TARBP1: variants seen among roughly 807,000 people sequenced by gnomAD.
TARBP1 encodes tRNA (guanosine(18)-2'-O)-methyltransferase TARBP1.
TARBP1 carries 144 observed loss-of-function variants against 178.6 expected under a neutral mutation model. That is an observed-to-expected ratio of 0.81 (90% CI 0.70 to 0.93). TARBP1 has a LOEUF of 0.93. TARBP1 is among the 40% of genes least tolerant of loss of function. The pLI is 0.00. For synonymous variants in TARBP1, 787 were observed against 781.0 expected (o/e 1.01, Z -0.13); for missense variants, 2,067 against 2,011.7 (o/e 1.03, Z -0.53).
In TARBP1 at chr1:234,457,671, G is replaced by C; in HGVS notation, c.1718C>G (p.Thr573Arg). Residue 573 changes from threonine to arginine, a missense_variant, in exon 9 of 30, where the codon ACA (threonine) becomes AGA (arginine). Thr to Arg is a moderately conservative substitution (Grantham distance 71). Coordinates refer to ENST00000040877, the MANE Select transcript of TARBP1 (RefSeq NM_005646.4). ...ESLGRGTSLWTELCDWLRVNE... is the reference protein window; with the variant it reads ...ESLGRGTSLWRELCDWLRVNE... Reference sequence around the variant, plus strand: ...TTAAATTATCTTTAATCTCACCTCTGTCCACAATGAAGTTCCTCGTCCTAA... The same window carrying C: ...TTAAATTATCTTTAATCTCACCTCTCTCCACAATGAAGTTCCTCGTCCTAA... The C allele has an allele frequency of 6.2e-7, 1 of 1,603,010 alleles. No homozygotes were observed. The highest frequency in any genetic ancestry group is 1.7e-5 in the Admixed American group (1 of 59,044).
At chr1:234,465,574 G>T in intron 5 of TARBP1, 82 bp downstream of exon 5, 1 of 1,312,924 alleles carries the variant, frequency 7.6e-7, no homozygotes, top group East Asian at 2.6e-5. Context: ...TACTGTATGT[G>T]CCAAATGCAT....
Position 234,458,855 on chromosome 1 carries a change from A to G in TARBP1, c.1632+375T>C, listed in dbSNP as rs182127892. On this transcript the variant is annotated intron_variant, in intron 8 of 29. Coordinates refer to ENST00000040877, the MANE Select transcript of TARBP1 (RefSeq NM_005646.4). ...AAAGTCTGTCTACCAGGGAAGCTCA[A>G]TGGAGACTCAGTGCCTCGGGCTTTT... Among the ~76,000 whole-genome samples, 247 of 152,314 alleles carry G rather than the reference A, an allele frequency of 1.6e-3. 1 individual carries two copies. The highest frequency in any genetic ancestry group is 0.014 in the Middle Eastern group (4 of 294).
In TARBP1 at chr1:234,459,390, T is replaced by A. The variant is rs546823210; in HGVS notation, c.1536-64A>T. The A allele has an allele frequency of 5.5e-6, 7 of 1,273,342 alleles. No individual in the cohort carries two copies. In the East Asian group the frequency reaches 1.6e-4, roughly 30 times the overall value. The allele number at this position is 1,273,342 out of a possible 1,614,324, so 78.9% of individuals were successfully genotyped here. ...AAAGACAATTCTGATAATTTGTGATTATCAACAAGTTGATTTATAACAACT... is the reference window on the plus strand; with the variant it reads ...AAAGACAATTCTGATAATTTGTGATAATCAACAAGTTGATTTATAACAACT... On this transcript the variant is annotated intron_variant, in intron 7 of 29. Transcript: ENST00000040877.
Position 234,460,298 on chromosome 1 carries a change from G to A in TARBP1, c.1498C>T (p.His500Tyr), listed in dbSNP as rs757528822. The change falls in exon 7 of 30, where the codon CAT becomes TAT. Residue 500 changes from histidine (H) to tyrosine (Y), a missense_variant. His to Tyr is a moderately conservative substitution (Grantham distance 83, BLOSUM62 2). Coordinates refer to ENST00000040877, the MANE Select transcript of TARBP1 (RefSeq NM_005646.4). ...LSKALANVPR[H>Y]KALGIDGLLA... ...AGCCCATCTATACCCAGGGCCTTAT[G>A]TCTTGGGACATTTGCCAAAGCCTTA... 1 of 1,614,176 alleles carries A rather than the reference G, an allele frequency of 6.2e-7. No homozygotes were observed. The highest frequency in any genetic ancestry group is 1.3e-5 in the African/African-American group (1 of 75,056).
intron 5 of TARBP1, among the ~76,000 whole-genome samples, chr1:234,465,425 G>T (rs1263979186): frequency 6.6e-6 from 1 of 152,086 alleles, no homozygotes; most frequent in African/African-American, 2.4e-5. Context: ...AACAGCCCAA[G>T]AATAGAGCAG....
At chr1:234,459,438 T>G (rs2103257392) in intron 7 of TARBP1, 112 bp from the exon 8 acceptor site, 1 of 781,312 alleles carries the variant, frequency 1.3e-6, no homozygotes, top group Non-Finnish European at 2.0e-6. Context: ...GCAGAAAGTC[T>G]GCAGAATTTC....
Position 234,393,823 on chromosome 1 carries a change from C to T in TARBP1, c.4258G>A (p.Glu1420Lys), listed in dbSNP as rs201832385. 4.3e-6 allele frequency: 7 copies of T among 1,609,818 alleles called. No homozygotes were observed. In the African/African-American group the frequency reaches 9.4e-5, roughly 22 times the overall value. The change falls in exon 27 of 30, where the codon GAA (glutamate) becomes AAA (lysine). Residue 1420 changes from glutamate to lysine, a missense_variant. Glu to Lys is a moderately conservative substitution (Grantham distance 56, BLOSUM62 1). Transcript: ENST00000040877. ...GTCCACTCCGCTTGGTTATCTGCTT[C>T]GACCAAATTAGTACCTGGGAAGGAA... is the stretch of plus-strand genomic sequence containing the variant. ...SQQDIGTNLV[E>K]ADNQAEWTDV...
chr1:234,467,473 G>A (rs1260803690), intron 4 of TARBP1, 29 bp downstream of exon 4: 2 of 1,513,574 alleles, frequency 1.3e-6, no homozygotes, highest in Non-Finnish European at 1.8e-6. Flanking sequence ...TCAACAATGG[G>A]AGCAAGGAAG....
At chr1:234,415,212 T>C (rs1169660315) in intron 22 of TARBP1, among the ~76,000 whole-genome samples, 3 of 151,984 alleles carry the variant, frequency 2.0e-5, no homozygotes, top group African/African-American at 4.8e-5. Flanking sequence ...GACAGGCTGA[T>C]AGCAACAAAT....
chr1:234,429,628 G>T lies in TARBP1; in HGVS notation c.2659C>A (p.Gln887Lys), dbSNP rs1236140510. 1 of 1,610,988 alleles carries T rather than the reference G, an allele frequency of 6.2e-7. No homozygotes were observed. The highest frequency in any genetic ancestry group is 1.7e-5 in the Admixed American group (1 of 59,222). The change falls in exon 16 of 30, where the codon CAA (glutamine) becomes AAA (lysine). Residue 887 changes from glutamine (Q) to lysine (K), a missense_variant. Coordinates refer to ENST00000040877, the MANE Select transcript of TARBP1 (RefSeq NM_005646.4). ...SSQGWGKIVA[Q>K]YIHDQWVCLS... ...CACACCCATTGATCATGAATATATT[G>T]TGCAACTATTTTTCCCCATCCTTGG...
chr1:234,445,086 G>A (rs146132227), intron 12 of TARBP1, among the ~76,000 whole-genome samples: 9 of 152,168 alleles, frequency 5.9e-5, no homozygotes, highest in South Asian at 4.2e-4. Context: ...CGTTGAGGTC[G>A]CCGCTGATTT....
intron 15 of TARBP1, 92 bp from the exon 16 acceptor site, chr1:234,429,769 G>C (rs888578997): frequency 6.9e-6 from 9 of 1,304,984 alleles, no homozygotes; most frequent in African/African-American, 3.0e-5. Flanking sequence ...AAAGGTGGGG[G>C]GGGGGGGGCA....
At chr1:234,469,343 C>T (rs528827980) in intron 3 of TARBP1, among the ~76,000 whole-genome samples, 15 of 152,058 alleles carry the variant, frequency 9.9e-5, no homozygotes, top group Non-Finnish European at 1.9e-4. Flanking sequence ...GATGCTTGTT[C>T]AACTCTTTGG....
At chr1:234,461,798 G>A (rs1336620473) in intron 6 of TARBP1, among the ~76,000 whole-genome samples, 1 of 152,264 alleles carries the variant, frequency 6.6e-6, no homozygotes, top group East Asian at 1.9e-4. Context: ...GATACAAAGG[G>A]ATAGTGCTTC....
chr1:234,402,775 G>A (rs575924571), intron 24 of TARBP1, among the ~76,000 whole-genome samples: 1 of 151,918 alleles, frequency 6.6e-6, no homozygotes, highest in African/African-American at 2.4e-5. Flanking sequence ...TATAGAGAAC[G>A]GGGTTTTGCC....
intron 1 of TARBP1, among the ~76,000 whole-genome samples, chr1:234,474,237 G>GTC (rs1355419743): frequency 3.1e-5 from 4 of 127,402 alleles, no homozygotes; most frequent in African/African-American, 9.8e-5. Flanking sequence ...GCGAGGATTT[G>GTC]TCTCTAAAAC....
chr1:234,452,481 T>C (rs978816156), intron 9 of TARBP1, among the ~76,000 whole-genome samples: 3 of 152,170 alleles, frequency 2.0e-5, no homozygotes, highest in African/African-American at 4.8e-5. Flanking sequence ...CTCAGTATCA[T>C]CTATTTTCAG....
At chr1:234,410,955 C>G (rs918157851) in intron 22 of TARBP1, among the ~76,000 whole-genome samples, 1 of 152,106 alleles carries the variant, frequency 6.6e-6, no homozygotes, top group African/African-American at 2.4e-5. Flanking sequence ...ACCTGTAGTC[C>G]CAGCTACTGG....
chr1:234,477,138 T>C (rs538213041), intron 1 of TARBP1, among the ~76,000 whole-genome samples: 2 of 152,332 alleles, frequency 1.3e-5, no homozygotes, highest in East Asian at 1.9e-4. Flanking sequence ...TGAGCGGAGA[T>C]TGTGCCATTG....
Sources: allele counts gnomAD v4.1 joint callset (sites outside exome capture counted in the v4.1 genomes callset), GRCh38; gene constraint gnomAD v4.1.1; transcripts MANE v1.5; gene names NCBI Gene and HGNC (gene_info 2026-07-23, HGNC 2026-07-21).